BRMS1L: variants seen among roughly 807,000 people sequenced by gnomAD.
BRMS1L encodes breast cancer metastasis-suppressor 1-like protein.
A neutral mutation model predicts 50.3 loss-of-function variants in BRMS1L; 23 were observed. The ratio of observed to expected loss-of-function variants is 0.46; its 90% confidence interval spans 0.33 to 0.65. The LOEUF is 0.65. BRMS1L is among the 30% of genes least tolerant of loss of function. BRMS1L has a pLI of 0.02. For missense variants in BRMS1L, 286 were observed against 386.1 expected (o/e 0.74, Z 2.17); for synonymous variants, 114 against 126.9 (o/e 0.90, Z 0.69).
intron 4 of BRMS1L, among the ~76,000 whole-genome samples, chr14:35,860,903 C>T (rs1332502137): frequency 2.0e-5 from 3 of 152,170 alleles, no homozygotes; most frequent in African/African-American, 7.2e-5. Flanking sequence ...GATCTTGAGA[C>T]CAAACCTATA....
chr14:35,869,325 A>G (rs1157418465), intron 9 of BRMS1L, among the ~76,000 whole-genome samples: 5 of 152,134 alleles, frequency 3.3e-5, no homozygotes, highest in Admixed American at 6.6e-5. Context: ...AGGCCAAGGC[A>G]GGAGAATCAC....
At chr14:35,826,787 T>C in intron 1 of BRMS1L, 129 bp downstream of exon 1, 6 of 1,352,642 alleles carry the variant, frequency 4.4e-6, no homozygotes, top group Non-Finnish European at 5.9e-6. Context: ...GGAGACTGGC[T>C]CTGGGCCCTG....
chr14:35,847,300 G>T (rs1464287732), intron 4 of BRMS1L, among the ~76,000 whole-genome samples: 1 of 151,734 alleles, frequency 6.6e-6, no homozygotes, highest in Non-Finnish European at 1.5e-5. Flanking sequence ...TTTTATTTCA[G>T]TTCTTTTTCT....
intron 4 of BRMS1L, among the ~76,000 whole-genome samples, chr14:35,848,441 G>T (rs924365824): frequency 6.6e-6 from 1 of 151,912 alleles, no homozygotes; most frequent in African/African-American, 2.4e-5. Context: ...CCTTAAGTGA[G>T]CCCATTGCCT....
chr14:35,869,847 A>G (rs1566433013), intron 9 of BRMS1L, among the ~76,000 whole-genome samples: 1 of 152,124 alleles, frequency 6.6e-6, no homozygotes, highest in Admixed American at 6.5e-5. Flanking sequence ...CTCTGTCTCA[A>G]AATAAATAAA....
At chr14:35,859,556 T>C (rs1001397582) in intron 4 of BRMS1L, among the ~76,000 whole-genome samples, 3 of 152,226 alleles carry the variant, frequency 2.0e-5, no homozygotes, top group Non-Finnish European at 2.9e-5. Flanking sequence ...TGTCTTGGTA[T>C]TGTGGGATTG....
intron 4 of BRMS1L, among the ~76,000 whole-genome samples, chr14:35,852,665 C>T (rs1454473873): frequency 6.6e-6 from 1 of 152,160 alleles, no homozygotes; most frequent in Non-Finnish European, 1.5e-5. Flanking sequence ...GGCGCGGTGG[C>T]TCACGCCTGT....
intron 4 of BRMS1L, among the ~76,000 whole-genome samples, chr14:35,851,806 C>G (rs1292479347): frequency 6.6e-6 from 1 of 152,170 alleles, no homozygotes; most frequent in Non-Finnish European, 1.5e-5. Flanking sequence ...TCCAGGCATA[C>G]ATCTGAAGAA....
At chr14:35,854,111 A>G (rs2078249052) in intron 4 of BRMS1L, among the ~76,000 whole-genome samples, 2 of 152,256 alleles carry the variant, frequency 1.3e-5, no homozygotes, top group South Asian at 4.1e-4. Flanking sequence ...TTTTGGTCTC[A>G]TATAGTTAGT....
chr14:35,846,774 C>T (rs1566420506), intron 4 of BRMS1L, among the ~76,000 whole-genome samples: 1 of 152,084 alleles, frequency 6.6e-6, no homozygotes, highest in Non-Finnish European at 1.5e-5. Context: ...TACTTTTTTC[C>T]CATTGTGATA....
chr14:35,856,669 T>C (rs2142056999), intron 4 of BRMS1L, among the ~76,000 whole-genome samples: 1 of 152,080 alleles, frequency 6.6e-6, no homozygotes, highest in Non-Finnish European at 1.5e-5. Flanking sequence ...TGGAGTGTAG[T>C]GGCGCGATCT....
At chr14:35,865,876 C>A (rs1341659309) in intron 8 of BRMS1L, 115 bp downstream of exon 8, 2 of 913,484 alleles carry the variant, frequency 2.2e-6, no homozygotes, top group South Asian at 1.6e-5. Flanking sequence ...TCAGTGAACA[C>A]CGTGCCTGAA....
At position 35,828,728 on chromosome 14, in the gene BRMS1L, T is replaced by G. The variant is rs551547018; in HGVS notation, c.142+2070T>G. On this transcript the variant is annotated intron_variant, in intron 1 of 9. Coordinates refer to ENST00000216807, the MANE Select transcript of BRMS1L (RefSeq NM_032352.4). ...GCCTCGGCCTCCCCAAGTGTTAGGATTATAGGTGTGAGCCACCGTGCCTGG... is the reference window on the plus strand; with the variant it reads ...GCCTCGGCCTCCCCAAGTGTTAGGAGTATAGGTGTGAGCCACCGTGCCTGG... Among the ~76,000 whole-genome samples, 7 of 152,146 alleles carry G rather than the reference T, an allele frequency of 4.6e-5. No individual in the cohort carries two copies. The East Asian group carries it at 1.4e-3, about 30-fold the overall frequency.
chr14:35,839,631 C>A (rs1303998173), intron 4 of BRMS1L, among the ~76,000 whole-genome samples: 1 of 152,140 alleles, frequency 6.6e-6, no homozygotes, highest in Non-Finnish European at 1.5e-5. Context: ...CTCTTTGTAG[C>A]AATTGTGAAT....
intron 4 of BRMS1L, among the ~76,000 whole-genome samples, chr14:35,838,610 G>T (rs200131541): frequency 6.6e-6 from 1 of 152,094 alleles, no homozygotes; most frequent in Admixed American, 6.6e-5. Context: ...TGATTTGCAT[G>T]TCTCTAATGA....
At chr14:35,858,615 G>T (rs935125571) in intron 4 of BRMS1L, 1 of 152,226 alleles carries the variant, frequency 6.6e-6, no homozygotes, top group Non-Finnish European at 1.5e-5. Context: ...TTAGCTGGAT[G>T]GTTCTGGCTC....
At chr14:35,842,994 A>C (rs2078086663) in intron 4 of BRMS1L, among the ~76,000 whole-genome samples, 1 of 152,124 alleles carries the variant, frequency 6.6e-6, no homozygotes, top group Admixed American at 6.6e-5. Flanking sequence ...TGGATGCTTC[A>C]TGAAGTTCTC....
intron 4 of BRMS1L, among the ~76,000 whole-genome samples, chr14:35,851,760 A>T (rs1345338681): frequency 6.6e-6 from 1 of 152,218 alleles, no homozygotes; most frequent in Non-Finnish European, 1.5e-5. Flanking sequence ...TCAGAAAATT[A>T]AAAGTAGAAC....
At chr14:35,845,956 A>C (rs1315344524) in intron 4 of BRMS1L, among the ~76,000 whole-genome samples, 1 of 152,248 alleles carries the variant, frequency 6.6e-6, no homozygotes, top group Non-Finnish European at 1.5e-5. Context: ...AAGTTGTAAG[A>C]AAGTAGATAG....
Sources: gnomAD v4.1 joint callset for allele counts (sites outside exome capture counted in the v4.1 genomes callset) on GRCh38, gnomAD v4.1.1 for gene constraint, MANE v1.5 for transcripts, NCBI Gene and HGNC (gene_info 2026-07-23, HGNC 2026-07-21) for gene names.